The following DIP2B variants were observed in gnomAD, a reference collection of about 807,000 sequenced individuals.
The protein encoded by DIP2B is disco-interacting protein 2 homolog B.
In DIP2B, 76 loss-of-function variants were observed where a neutral mutation model predicts 198.0. The observed-to-expected ratio is 0.38, with a 90% CI of 0.32 to 0.46. The LOEUF is 0.46. DIP2B is among the 20% of genes least tolerant of loss of function. The pLI is 0.99. For synonymous variants in DIP2B, 701 were observed against 739.1 expected, an observed-to-expected ratio of 0.95 and a Z score of 0.84; for missense variants, 1,559 against 1,978.4, an observed-to-expected ratio of 0.79 and a Z score of 4.02.
chr12:50,512,482 T>C (rs569237719), intron 1 of DIP2B, among the ~76,000 whole-genome samples: 2 of 152,334 alleles, frequency 1.3e-5, no homozygotes, highest in South Asian at 2.1e-4. Context: ...TTATTTCTTA[T>C]ATTGTTTTAG....
At chr12:50,631,043 T>G (rs750948503) in intron 2 of DIP2B, among the ~76,000 whole-genome samples, 1 of 152,188 alleles carries the variant, frequency 6.6e-6, no homozygotes, top group African/African-American at 2.4e-5. Context: ...GTTACTGTTT[T>G]ATGTAGTTAA....
At chr12:50,652,095 C>T (rs967490959) in intron 3 of DIP2B, among the ~76,000 whole-genome samples, 3 of 151,618 alleles carry the variant, frequency 2.0e-5, no homozygotes, top group Non-Finnish European at 4.4e-5. Flanking sequence ...CGGACGATCA[C>T]GAAGTCAGGA....
chr12:50,637,666 A>C (rs1428848872), intron 2 of DIP2B, among the ~76,000 whole-genome samples: 2 of 152,218 alleles, frequency 1.3e-5, no homozygotes, highest in African/African-American at 4.8e-5. Flanking sequence ...ACTAGCACCA[A>C]GAACAGTAGG....
Position 50,519,713 on chromosome 12 carries a change from C to T in DIP2B, c.100+14473C>T, listed in dbSNP as rs188702853. 3.1e-3 allele frequency among the ~76,000 whole-genome samples: 472 copies of T among 151,980 alleles called. 2 individuals carry two copies. Among genetic ancestry groups the T allele is most frequent in the African/African-American group, 0.011 (453 of 41,474 alleles). ...CAGAAAGAGTTTTTAGTCTTTTTTC[C>T]CCCAGGATATTTAATGTTTAATGTA... On this transcript the variant is annotated intron_variant, in intron 1 of 37. Coordinates refer to ENST00000301180, the MANE Select transcript of DIP2B (RefSeq NM_173602.3).
Position 50,671,317 on chromosome 12 carries a change from T to TC in DIP2B, c.561dup (p.Ala188ArgfsTer19), listed in dbSNP as rs911936618. ...AATTCAGGGATCGTCCACTTCTTCA[T>TC]CCGCATCTTCTACGCTGTCCCACGG... On this transcript the variant is annotated frameshift_variant, in exon 5 of 38. Coordinates refer to ENST00000301180, the MANE Select transcript of DIP2B (RefSeq NM_173602.3). LOFTEE classifies it high-confidence loss of function. 3.1e-6 allele frequency: 5 copies of TC among 1,614,180 alleles called. No homozygotes were observed. Among genetic ancestry groups the TC allele is most frequent in the Non-Finnish European group, 4.2e-6 (5 of 1,180,030 alleles).
intron 8 of DIP2B, 104 bp downstream of exon 8, chr12:50,678,980 A>C: frequency 7.7e-7 from 1 of 1,293,936 alleles, no homozygotes; most frequent in Admixed American, 2.5e-5. Flanking sequence ...ATTATGTTTC[A>C]GTAGATTTTT....
intron 2 of DIP2B, among the ~76,000 whole-genome samples, chr12:50,638,050 C>G (rs1388578700): frequency 6.6e-6 from 1 of 152,172 alleles, no homozygotes; most frequent in African/African-American, 2.4e-5. Context: ...CTTTTAACAT[C>G]ATCACTATTT....
At chr12:50,683,383 G>A in intron 10 of DIP2B, 135 bp downstream of exon 10, 1 of 641,432 alleles carries the variant, frequency 1.6e-6, no homozygotes. Flanking sequence ...TCTAAAAACA[G>A]GAAATTTGTA....
chr12:50,710,916 A>G (rs561303835), intron 22 of DIP2B, among the ~76,000 whole-genome samples: 38 of 152,344 alleles, frequency 2.5e-4, no homozygotes, highest in African/African-American at 9.1e-4. Flanking sequence ...AGACGTGCAA[A>G]GAGAATATTT....
chr12:50,510,662 TGAG>T (rs1565807324), intron 1 of DIP2B, among the ~76,000 whole-genome samples: 2 of 133,710 alleles, frequency 1.5e-5, no homozygotes, highest in East Asian at 2.0e-4. Context: ...TTTTTTTTTT[TGAG>T]ACGGAGTTTC....
chr12:50,658,138 T>C (rs7133160), intron 3 of DIP2B, among the ~76,000 whole-genome samples: 48,350 of 151,278 alleles, frequency 0.32, 7,903 homozygotes, highest in South Asian at 0.39. Flanking sequence ...TTCTGGGGTT[T>C]GTTGTTTTGT....
At chr12:50,734,079 A>G in intron 32 of DIP2B, 56 bp from the exon 33 acceptor site, 2 of 1,586,920 alleles carry the variant, frequency 1.3e-6, no homozygotes, top group Admixed American at 3.3e-5. Flanking sequence ...TGGTTTGAAA[A>G]TGTGAAATAC....
chr12:50,598,238 G>A (rs1958895605), intron 1 of DIP2B, among the ~76,000 whole-genome samples: 2 of 152,104 alleles, frequency 1.3e-5, no homozygotes, highest in South Asian at 4.1e-4. Context: ...AGGTAATAAG[G>A]ATGATACTGT....
chr12:50,690,613 T>A (rs1242633943), intron 12 of DIP2B, among the ~76,000 whole-genome samples: 1 of 152,196 alleles, frequency 6.6e-6, no homozygotes, highest in South Asian at 2.1e-4. Flanking sequence ...GTTGAATGAT[T>A]TGGAGGAGCA....
At chr12:50,668,189 C>G (rs1381016872) in intron 4 of DIP2B, among the ~76,000 whole-genome samples, 1 of 152,208 alleles carries the variant, frequency 6.6e-6, no homozygotes, top group Non-Finnish European at 1.5e-5. Context: ...TGGGTTAGGT[C>G]TTACTTCCTT....
Position 50,733,597 on chromosome 12 carries a change from G to A in DIP2B, c.3982-538G>A, listed in dbSNP as rs182745846. ...TACATGCCTCTAGTCCCAGCTACCT[G>A]GAAGTCTGAGGCAAGGGGATTGCTT... On this transcript the variant is annotated intron_variant, in intron 32 of 37. Transcript: ENST00000301180. Among the ~76,000 whole-genome samples the A allele has an allele frequency of 2.0e-5, 3 of 152,292 alleles. No individual in the cohort carries two copies. The East Asian group carries it at 5.8e-4, about 29-fold the overall frequency.
chr12:50,625,834 G>A, intron 1 of DIP2B, 142 bp from the exon 2 acceptor site: 1 of 794,050 alleles, frequency 1.3e-6, no homozygotes, highest in Non-Finnish European at 2.0e-6. Context: ...AAAATCCTTG[G>A]CAAAGAACCA....
intron 2 of DIP2B, among the ~76,000 whole-genome samples, chr12:50,639,090 A>ATTTTT (rs5798145): frequency 7.2e-6 from 1 of 139,136 alleles, no homozygotes; most frequent in African/African-American, 2.7e-5. Context: ...AGTCTCCACA[A>ATTTTT]TTTTTTTTTT....
intron 3 of DIP2B, among the ~76,000 whole-genome samples, chr12:50,648,905 CAATTT>C (rs1412646110): frequency 2.0e-5 from 3 of 152,152 alleles, no homozygotes; most frequent in African/African-American, 7.2e-5. Flanking sequence ...TAACTTAAAA[CAATTT>C]AGTCAGCAAG....
Sources: gnomAD v4.1 joint callset for allele counts (sites outside exome capture counted in the v4.1 genomes callset) on GRCh38, gnomAD v4.1.1 for gene constraint, MANE v1.5 for transcripts, NCBI Gene and HGNC (gene_info 2026-07-23, HGNC 2026-07-21) for gene names.